The following GSKIP variants were observed in gnomAD, a reference collection of about 807,000 sequenced individuals.
GSKIP encodes GSK3B-interacting protein.
A neutral mutation model predicts 11.9 loss-of-function variants in GSKIP; 5 were observed. The observed-to-expected ratio is 0.42, with a 90% CI of 0.22 to 0.89. The LOEUF is 0.89. Ranked by LOEUF, GSKIP falls within the 40% of genes least tolerant of loss-of-function variation. The pLI is 0.29. For missense variants in GSKIP, 150 were observed against 166.6 expected (o/e 0.90, Z 0.55); for synonymous variants, 70 against 62.9 (o/e 1.11, Z -0.54).
intron 1 of GSKIP, among the ~76,000 whole-genome samples, chr14:96,368,435 G>T (rs1266452535): frequency 6.6e-6 from 1 of 152,158 alleles, no homozygotes; most frequent in Non-Finnish European, 1.5e-5. Flanking sequence ...CTCCCAAAGT[G>T]CTGGGATTAC....
Position 96,382,510 on chromosome 14 carries a change from C to G in GSKIP, c.258+5C>G, listed in dbSNP as rs754520900. The G allele has an allele frequency of 6.3e-7, 1 of 1,583,580 alleles. No individual in the cohort carries two copies. On this transcript the variant is annotated splice_donor_5th_base_variant and intron_variant, in intron 3 of 3. Coordinates refer to ENST00000555181, the MANE Select transcript of GSKIP (RefSeq NM_016472.5). ...CTCACTGAAGCAGGGCTCAAGGTAACTCACTTTTCCTTTTAGAAAAAAAAA... is the reference window on the plus strand; with the variant it reads ...CTCACTGAAGCAGGGCTCAAGGTAAGTCACTTTTCCTTTTAGAAAAAAAAA...
At position 96,373,250 on chromosome 14, in the gene GSKIP, AAAG is replaced by A. The variant is rs1451649593; in HGVS notation, c.-102-6435_-102-6433del. Among the ~76,000 whole-genome samples the A allele has an allele frequency of 4.9e-3, 702 of 144,456 alleles. 9 individuals carry two copies. The highest frequency in any genetic ancestry group is 0.018 in the African/African-American group (630 of 35,338). The allele number at this position is 144,456 out of a possible 152,430, so 94.8% of individuals were successfully genotyped here. A position where few individuals can be genotyped will look rare whatever the true frequency, so the allele number is the denominator to read the frequency against. ...GTCTCAAAAAAAAAAAAAAAAAAAA[AAAG>A]AAAGGAGGATACTCAGTTTGGGACT... On this transcript the variant is annotated intron_variant, in intron 1 of 3. Transcript: ENST00000555181.
intron 1 of GSKIP, among the ~76,000 whole-genome samples, chr14:96,368,251 C>G (rs867671923): frequency 2.0e-5 from 3 of 150,390 alleles, no homozygotes; most frequent in Non-Finnish European, 4.4e-5. Context: ...GGCACGATAG[C>G]TCATTGTAGC....
chr14:96,385,668 G>C lies in GSKIP; in HGVS notation c.404G>C (p.Arg135Thr), dbSNP rs749319245. 2.5e-6 allele frequency: 4 copies of C among 1,612,216 alleles called. No individual in the cohort carries two copies. The South Asian group carries it at 3.3e-5, about 13-fold the overall frequency. ...ALLQRLEALK[R>T]DGQS Reference sequence around the variant, plus strand: ...CTTCAAAGACTGGAAGCTTTGAAAAGAGATGGACAGTCATGACTACACTTT... The same window carrying C: ...CTTCAAAGACTGGAAGCTTTGAAAACAGATGGACAGTCATGACTACACTTT... Residue 135 changes from arginine to threonine, a missense_variant, in exon 4 of 4, where the codon AGA (arginine) becomes ACA (threonine). By Grantham distance (71) the Arg-to-Thr change is moderately conservative. Coordinates refer to ENST00000555181, the MANE Select transcript of GSKIP (RefSeq NM_016472.5).
chr14:96,383,409 A>G (rs904603476), intron 3 of GSKIP, among the ~76,000 whole-genome samples: 15 of 151,858 alleles, frequency 9.9e-5, no homozygotes, highest in Non-Finnish European at 1.0e-4. Flanking sequence ...AAAAAAAAAA[A>G]CTATTATAAA....
chr14:96,375,503 G>A (rs570447109), intron 1 of GSKIP, among the ~76,000 whole-genome samples: 42 of 150,192 alleles, frequency 2.8e-4, no homozygotes, highest in African/African-American at 8.6e-4. Flanking sequence ...GCGCAATCTC[G>A]GCTCACTGCA....
At chr14:96,383,523 C>T (rs1007619974) in intron 3 of GSKIP, among the ~76,000 whole-genome samples, 21 of 152,138 alleles carry the variant, frequency 1.4e-4, no homozygotes, top group Admixed American at 5.9e-4. Context: ...TCATACATTT[C>T]TGTGTTTCTA....
chr14:96,377,083 A>G (rs901228622), intron 1 of GSKIP, among the ~76,000 whole-genome samples: 2 of 152,196 alleles, frequency 1.3e-5, no homozygotes, highest in Admixed American at 1.3e-4. Context: ...ATTATCTGCA[A>G]GTTTTCACAG....
intron 1 of GSKIP, among the ~76,000 whole-genome samples, chr14:96,368,636 G>A (rs1466087463): frequency 2.0e-5 from 3 of 152,150 alleles, no homozygotes; most frequent in Admixed American, 6.5e-5. Context: ...GGTGAATCCT[G>A]GTGGGAGGTG....
chr14:96,368,957 G>A (rs867917615), intron 1 of GSKIP, among the ~76,000 whole-genome samples: 2 of 152,236 alleles, frequency 1.3e-5, no homozygotes, highest in African/African-American at 4.8e-5. Context: ...GAAGATGAAA[G>A]AATGTTTGGA....
chr14:96,377,703 T>C (rs1380924674), intron 1 of GSKIP, among the ~76,000 whole-genome samples: 1 of 152,236 alleles, frequency 6.6e-6, no homozygotes, highest in Non-Finnish European at 1.5e-5. Flanking sequence ...TGCTCACTGC[T>C]CTGCCTCTGT....
intron 1 of GSKIP, among the ~76,000 whole-genome samples, chr14:96,374,874 T>C (rs1218971558): frequency 6.6e-6 from 1 of 152,194 alleles, no homozygotes; most frequent in Non-Finnish European, 1.5e-5. Flanking sequence ...TACATGTAGA[T>C]ATAGATCAGT....
rs568286015 is a variant in GSKIP, at chr14:96,382,667, T to G, written c.258+162T>G. Reference sequence around the variant, plus strand: ...TTTTAACCTAGAAATTTTTATTAATTTTAAAGGCTTTTGATCGATATGGGG... The same window carrying G: ...TTTTAACCTAGAAATTTTTATTAATGTTAAAGGCTTTTGATCGATATGGGG... On this transcript the variant is annotated intron_variant, in intron 3 of 3. Coordinates refer to ENST00000555181, the MANE Select transcript of GSKIP (RefSeq NM_016472.5). Among the ~76,000 whole-genome samples, 18 of 152,320 alleles carry G rather than the reference T, an allele frequency of 1.2e-4. No individual in the cohort carries two copies. The East Asian group carries it at 2.7e-3, about 23-fold the overall frequency.
chr14:96,371,403 G>T, intron 1 of GSKIP, among the ~76,000 whole-genome samples: 2 of 150,858 alleles, frequency 1.3e-5, no homozygotes, highest in African/African-American at 2.4e-5. Flanking sequence ...TTTCACCATA[G>T]GAAAATTAGA....
Position 96,381,943 on chromosome 14 carries a change from G to T in GSKIP, c.-1-304G>T, listed in dbSNP as rs565772431. On this transcript the variant is annotated intron_variant, in intron 2 of 3. Transcript: ENST00000555181. The stretch of plus-strand genomic sequence containing the variant: ...ACATTTAAAAATATGTACTAGGATT[G>T]TTACTGAGGCATTATTCAAAATAGC... 4.2e-4 allele frequency among the ~76,000 whole-genome samples: 64 copies of T among 152,282 alleles called. 1 individual carries two copies. In the South Asian group the frequency reaches 0.013, roughly 31 times the overall value.
intron 1 of GSKIP, among the ~76,000 whole-genome samples, chr14:96,371,442 C>CTT (rs570686090): frequency 1.7e-4 from 19 of 112,796 alleles, no homozygotes; most frequent in South Asian, 2.8e-4. Flanking sequence ...TATCAACAAT[C>CTT]TTTTTTTTTT....
intron 3 of GSKIP, among the ~76,000 whole-genome samples, chr14:96,384,985 T>G (rs1164865095): frequency 6.6e-6 from 1 of 152,098 alleles, no homozygotes; most frequent in East Asian, 1.9e-4. Context: ...AATAAACAAT[T>G]ATTAAAATTA....
intron 1 of GSKIP, among the ~76,000 whole-genome samples, chr14:96,366,575 C>T (rs1246142201): frequency 6.6e-6 from 1 of 152,080 alleles, no homozygotes; most frequent in Non-Finnish European, 1.5e-5. Context: ...ATGTTAACAC[C>T]TTGCATTAAT....
rs1889481302 is a variant in GSKIP, at chr14:96,385,995, T to A, written c.*311T>A. The A allele has an allele frequency of 4.8e-6, 1 of 207,268 alleles. No homozygotes were observed. Among genetic ancestry groups the A allele is most frequent in the African/African-American group, 2.3e-5 (1 of 42,756 alleles). The allele number at this position is 207,268 out of a possible 1,614,324, so 12.8% of individuals were successfully genotyped here. On this transcript the variant is annotated 3_prime_UTR_variant, in exon 4 of 4. Coordinates refer to ENST00000555181, the MANE Select transcript of GSKIP (RefSeq NM_016472.5). ...CAGGGCTTTGATGCTGCCAGCACTG[T>A]CTTTTACATAGGAAATTCTAGATTT...
Sources: gnomAD v4.1 joint callset for allele counts (sites outside exome capture counted in the v4.1 genomes callset) on GRCh38, gnomAD v4.1.1 for gene constraint, MANE v1.5 for transcripts, NCBI Gene and HGNC (gene_info 2026-07-23, HGNC 2026-07-21) for gene names.